Variants in MGAT1 observed in about 807,000 individuals in gnomAD.
MGAT1 encodes N-glycosyl-oligosaccharide-glycoprotein N-acetylglucosaminyltransferase I.
In MGAT1, 14 loss-of-function variants were observed where a neutral mutation model predicts 31.7. That is an observed-to-expected ratio of 0.44 (90% CI 0.29 to 0.69). MGAT1 has a LOEUF of 0.69. MGAT1 is among the 30% of genes least tolerant of loss of function. MGAT1 has a pLI of 0.12. For missense variants in MGAT1, 557 were observed against 626.0 expected (o/e 0.89, Z 1.18); for synonymous variants, 338 against 276.0 (o/e 1.22, Z -2.23).
Position 180,788,939 on chromosome 5 carries a change from C to G in MGAT1, c.*2695G>C, listed in dbSNP as rs936165881. 6.6e-6 allele frequency: 1 copy of G among 152,278 alleles called. No individual in the cohort carries two copies. The allele number at this position is 152,278 out of a possible 1,614,324, so 9.4% of individuals were successfully genotyped here. A position where few individuals can be genotyped will look rare whatever the true frequency, so the allele number is the denominator to read the frequency against. On this transcript the variant is annotated 3_prime_UTR_variant, in exon 2 of 2. Coordinates refer to ENST00000307826, the MANE Select transcript of MGAT1 (RefSeq NM_002406.4). ...TGCATGACATGCTATGCGCATGGAG[C>G]GTGGCGGCCAAACTCCTCCTGGCTC...
Position 180,792,623 on chromosome 5 carries a change from T to A in MGAT1, c.349A>T (p.Thr117Ser), listed in dbSNP as rs748712809. The stretch of plus-strand genomic sequence containing the variant: ...AGCTTGTCCAGGCAGCGCCGAACAG[T>A]GCTGCGGTCACAGGCGATGACCAGG... Reference protein sequence around the residue: ...PILVIACDRSTVRRCLDKLLH... With the variant: ...PILVIACDRSSVRRCLDKLLH... The change falls in exon 2 of 2, where the codon ACT becomes TCT. Residue 117 changes from threonine (T) to serine (S), a missense_variant. By Grantham distance (58) the Thr-to-Ser change is moderately conservative. Around this residue, in one of 3 missense-constraint regions of MGAT1, gnomAD observed 245 missense variants for 332.9 expected, o/e 0.74. Transcript: ENST00000307826. 6.2e-6 allele frequency: 10 copies of A among 1,600,142 alleles called. 2 individuals are homozygous for A. The South Asian group carries it at 8.9e-5, about 14-fold the overall frequency.
At position 180,791,928 on chromosome 5, in the gene MGAT1, G is replaced by A; in HGVS notation, c.1044C>T (p.Tyr348=). The A allele has an allele frequency of 6.2e-7, 1 of 1,614,198 alleles. No homozygotes were observed. The highest frequency in any genetic ancestry group is 8.5e-7 in the Non-Finnish European group (1 of 1,180,050). Residue 348 remains tyrosine, a synonymous_variant, in exon 2 of 2, where the codon TAC becomes TAT. Transcript: ENST00000307826. ...FVHFTQLDLS[Y]LQREAYDRDF... is the part of the protein sequence containing the mutation. Reference sequence around the variant, plus strand: ...CTCGGTCATAGGCCTCCCGCTGCAGGTAAGACAGGTCCAGCTGGGTGAAGT... The same window carrying A: ...CTCGGTCATAGGCCTCCCGCTGCAGATAAGACAGGTCCAGCTGGGTGAAGT...
Position 180,791,618 on chromosome 5 carries a change from G to A in MGAT1, c.*16C>T. The A allele has an allele frequency of 6.2e-7, 1 of 1,610,300 alleles. No individual in the cohort carries two copies. Among genetic ancestry groups the A allele is most frequent in the Non-Finnish European group, 8.5e-7 (1 of 1,178,076 alleles). ...CATGATGTGGCAAGGAGGGGCCCAGGAAGGACAGGCAGGTGCTAATTCCAG... is the reference window on the plus strand; with the variant it reads ...CATGATGTGGCAAGGAGGGGCCCAGAAAGGACAGGCAGGTGCTAATTCCAG... On this transcript the variant is annotated 3_prime_UTR_variant, in exon 2 of 2. Transcript: ENST00000307826.
At chr5:180,799,372 C>T (rs944127141) in intron 1 of MGAT1, among the ~76,000 whole-genome samples, 1 of 152,196 alleles carries the variant, frequency 6.6e-6, no homozygotes, top group Non-Finnish European at 1.5e-5. Flanking sequence ...ATTTGACCCA[C>T]AGCGCCACCT....
chr5:180,812,556 GCACA>G (rs926017708), intron 1 of MGAT1, among the ~76,000 whole-genome samples: 18 of 151,238 alleles, frequency 1.2e-4, no homozygotes, highest in South Asian at 4.2e-4. Flanking sequence ...TTATACACAC[GCACA>G]CACACACAGG....
intron 1 of MGAT1, chr5:180,810,148 C>T (rs1437549341): frequency 6.6e-6 from 1 of 151,632 alleles, no homozygotes; most frequent in East Asian, 1.9e-4. Context: ...CCCCTCGACC[C>T]CCAGCGGCCC....
intron 1 of MGAT1, among the ~76,000 whole-genome samples, chr5:180,796,979 A>G (rs769430481): frequency 6.6e-6 from 1 of 152,166 alleles, no homozygotes; most frequent in Non-Finnish European, 1.5e-5. Flanking sequence ...CTCCAATCTA[A>G]TGGCCAGGAT....
Position 180,792,645 on chromosome 5 carries a change from C to G in MGAT1, c.327G>C (p.Leu109=). The G allele has an allele frequency of 6.3e-7, 1 of 1,589,762 alleles. No individual in the cohort carries two copies. Among genetic ancestry groups the G allele is most frequent in the Non-Finnish European group, 8.6e-7 (1 of 1,166,018 alleles). The change falls in exon 2 of 2, where the codon CTG becomes CTC. Residue 109 remains leucine (L), a synonymous_variant. Transcript: ENST00000307826. Reference sequence around the variant, plus strand: ...CAGTGCTGCGGTCACAGGCGATGACCAGGATGGGAATCACCGCCGGCGCGG... The same window carrying G: ...CAGTGCTGCGGTCACAGGCGATGACGAGGATGGGAATCACCGCCGGCGCGG... ...VTPAPAVIPI[L]VIACDRSTVR... is the part of the protein sequence containing the mutation.
At chr5:180,808,405 G>C (rs1487962285) in intron 2 of MGAT1, 1 of 152,164 alleles carries the variant, frequency 6.6e-6, no homozygotes, top group South Asian at 2.1e-4. Context: ...TTATTATCAT[G>C]TTCTCCTTGG....
chr5:180,814,352 A>T (rs988541536), intron 1 of MGAT1, among the ~76,000 whole-genome samples: 2 of 152,160 alleles, frequency 1.3e-5, no homozygotes, highest in Admixed American at 1.3e-4. Context: ...GCAGCTTCTG[A>T]CATTGTCAAC....
chr5:180,814,152 G>A (rs1437163549), intron 1 of MGAT1, among the ~76,000 whole-genome samples: 1 of 152,154 alleles, frequency 6.6e-6, no homozygotes, highest in African/African-American at 2.4e-5. Flanking sequence ...GATATCTCTT[G>A]TAATTTCCTG....
intron 1 of MGAT1, among the ~76,000 whole-genome samples, chr5:180,802,335 G>A (rs977406578): frequency 6.6e-6 from 1 of 152,186 alleles, no homozygotes; most frequent in African/African-American, 2.4e-5. Context: ...AGTGAGGTTA[G>A]GGGGGAAAGG....
intron 1 of MGAT1, among the ~76,000 whole-genome samples, chr5:180,797,843 T>TTCTTCGCA (rs11282898): frequency 7.7e-6 from 1 of 130,662 alleles, no homozygotes; most frequent in Non-Finnish European, 1.7e-5. Flanking sequence ...GCCCACCTCC[T>TTCTTCGCA]TAGGCTCAGC....
intron 1 of MGAT1, among the ~76,000 whole-genome samples, chr5:180,795,234 G>A (rs1320006274): frequency 1.3e-5 from 2 of 151,026 alleles, no homozygotes; most frequent in Non-Finnish European, 2.9e-5. Flanking sequence ...CTTCTAGAAG[G>A]GTGGATATGT....
chr5:180,798,822 G>A (rs1333842979), intron 1 of MGAT1, among the ~76,000 whole-genome samples: 1 of 151,854 alleles, frequency 6.6e-6, no homozygotes, highest in Non-Finnish European at 1.5e-5. Flanking sequence ...TTCCACTACA[G>A]AGTAAATTCA....
At chr5:180,801,094 A>G (rs1332606975) in intron 1 of MGAT1, among the ~76,000 whole-genome samples, 2 of 152,224 alleles carry the variant, frequency 1.3e-5, no homozygotes, top group African/African-American at 4.8e-5. Flanking sequence ...ACCTGCCCCT[A>G]TGGGGCTCAC....
chr5:180,810,419 G>A (rs2626816), intron 1 of MGAT1: 8,994 of 152,782 alleles, frequency 0.059, 607 homozygotes, highest in African/African-American at 0.16. Flanking sequence ...CGGGCGCAGA[G>A]TAGCGGCCGT....
At chr5:180,803,739 C>G (rs969536759), upstream of MGAT1, 2 of 152,664 alleles carry the variant, frequency 1.3e-5, no homozygotes, top group Admixed American at 6.5e-5. Flanking sequence ...AGCCAGGAGC[C>G]AGCCCCACTC....
chr5:180,799,758 C>T (rs1232316288), intron 1 of MGAT1, among the ~76,000 whole-genome samples: 1 of 152,202 alleles, frequency 6.6e-6, no homozygotes, highest in Non-Finnish European at 1.5e-5. Flanking sequence ...CTCCTGCCTC[C>T]AGAGCTGAGG....
Sources: allele counts gnomAD v4.1 joint callset (sites outside exome capture counted in the v4.1 genomes callset), GRCh38; gene constraint gnomAD v4.1.1; regional missense constraint gnomAD v4.1.1; transcripts MANE v1.5; gene names NCBI Gene and HGNC (gene_info 2026-07-23, HGNC 2026-07-21).